CTNNA2: variants seen among roughly 807,000 people sequenced by gnomAD.
The protein encoded by CTNNA2 is catenin alpha-2.
Under a neutral mutation model 101.0 loss-of-function variants are expected in CTNNA2, and 42 were observed. That is an observed-to-expected ratio of 0.42 (90% CI 0.32 to 0.54). The LOEUF is 0.54. Among genes scored for constraint, CTNNA2 ranks in the 20% least tolerant of loss-of-function variants. The probability of loss-of-function intolerance (pLI) is 0.14; values close to 1 mark genes in which losing one functional copy is unlikely to be tolerated. For synonymous variants in CTNNA2, 450 were observed against 456.4 expected, an observed-to-expected ratio of 0.99 and a Z score of 0.18; for missense variants, 871 against 1,223.1, an observed-to-expected ratio of 0.71 and a Z score of 4.29.
At chr2:79,358,178 T>G (rs921277028) in intron 3 of CTNNA2, among the ~76,000 whole-genome samples, 2 of 151,876 alleles carry the variant, frequency 1.3e-5, no homozygotes. Context: ...CAGCCTTGAA[T>G]GGAATTTTTG....
At chr2:79,965,079 G>T (rs1490355315) in intron 7 of CTNNA2, among the ~76,000 whole-genome samples, 3 of 152,200 alleles carry the variant, frequency 2.0e-5, no homozygotes, top group African/African-American at 7.2e-5. Context: ...TTAATTCCAA[G>T]AATTTTTCTC....
chr2:80,099,718 C>T (rs1171862155), intron 7 of CTNNA2, among the ~76,000 whole-genome samples: 2 of 138,654 alleles, frequency 1.4e-5, no homozygotes, highest in Non-Finnish European at 3.1e-5. Flanking sequence ...ATTATAGGAA[C>T]AATTGCCAAG....
At chr2:80,506,603 A>C (rs1688298576) in intron 9 of CTNNA2, among the ~76,000 whole-genome samples, 1 of 152,186 alleles carries the variant, frequency 6.6e-6, no homozygotes, top group South Asian at 2.1e-4. Flanking sequence ...AGAGTTAAAG[A>C]TAGAACTGCT....
At chr2:79,996,919 T>C (rs1177591787) in intron 7 of CTNNA2, among the ~76,000 whole-genome samples, 2 of 152,102 alleles carry the variant, frequency 1.3e-5, no homozygotes, top group Non-Finnish European at 1.5e-5. Flanking sequence ...TCGTGATCAG[T>C]TGGCTTGCTC....
chr2:79,286,667 C>G (rs963356695), intron 2 of CTNNA2, among the ~76,000 whole-genome samples: 8 of 152,172 alleles, frequency 5.3e-5, no homozygotes, highest in African/African-American at 1.9e-4. Context: ...CCCGACCTTT[C>G]TCTCTGGCCG....
chr2:80,466,610 CA>C (rs1022090886), intron 9 of CTNNA2, among the ~76,000 whole-genome samples: 4 of 151,306 alleles, frequency 2.6e-5, no homozygotes, highest in Middle Eastern at 3.4e-3. Flanking sequence ...CATATTTCTT[CA>C]AAAAAAAATC....
chr2:80,400,370 C>T (rs958534193), intron 8 of CTNNA2, among the ~76,000 whole-genome samples: 1 of 152,088 alleles, frequency 6.6e-6, no homozygotes, highest in Non-Finnish European at 1.5e-5. Context: ...CCTACTGTCG[C>T]CACCAGTCCT....
At chr2:80,079,791 C>T (rs1054258084) in intron 7 of CTNNA2, among the ~76,000 whole-genome samples, 12 of 127,856 alleles carry the variant, frequency 9.4e-5, no homozygotes, top group Admixed American at 1.6e-4. Context: ...TCCAGCCTGG[C>T]GACAGAGGGA....
chr2:79,754,801 G>A (rs904156899), intron 3 of CTNNA2, among the ~76,000 whole-genome samples: 6 of 152,082 alleles, frequency 3.9e-5, no homozygotes, highest in Non-Finnish European at 7.4e-5. Context: ...TCTAGTATGG[G>A]TTCTTGCTGG....
chr2:80,542,923 A>C (rs973347684), intron 9 of CTNNA2, among the ~76,000 whole-genome samples: 2 of 151,518 alleles, frequency 1.3e-5, no homozygotes, highest in Admixed American at 6.6e-5. Flanking sequence ...TGCATTCTGG[A>C]CTCGTACCAC....
At chr2:80,627,979 A>C (rs922006867) in intron 18 of CTNNA2, among the ~76,000 whole-genome samples, 1 of 152,170 alleles carries the variant, frequency 6.6e-6, no homozygotes, top group Non-Finnish European at 1.5e-5. Flanking sequence ...AGAGACAAAC[A>C]GAGAGCCAAG....
chr2:80,302,949 G>A lies in CTNNA2; in HGVS notation c.1057-90262G>A, dbSNP rs1202590878. 3 of 1,613,992 alleles carry A rather than the reference G, an allele frequency of 1.9e-6. No individual in the cohort carries two copies. Among genetic ancestry groups the A allele is most frequent in the Non-Finnish European group, 2.5e-6 (3 of 1,180,016 alleles). On this transcript the variant is annotated intron_variant, in intron 7 of 18. Coordinates refer to ENST00000402739, the MANE Select transcript of CTNNA2 (RefSeq NM_001282597.3). This position sits in a 1 kb window ranked among gnomAD's most constrained non-coding sequence, Gnocchi z 6.4. ...ATCCGGGGCTCGATGTAGGTGAGGC[G>A]GTTGGAGTCCAGCTGCAGGGACTGC...
intron 4 of CTNNA2, among the ~76,000 whole-genome samples, chr2:79,477,076 T>A (rs1399979636): frequency 1.3e-5 from 2 of 152,180 alleles, no homozygotes; most frequent in African/African-American, 4.8e-5. Context: ...AAGGGACAAA[T>A]CTATCATCTC....
chr2:79,520,577 T>A (rs1015578857), intron 1 of CTNNA2, among the ~76,000 whole-genome samples: 10 of 152,198 alleles, frequency 6.6e-5, no homozygotes, highest in Non-Finnish European at 1.2e-4. Context: ...ACTACATGTC[T>A]CTCTCTGTAT....
chr2:80,045,142 C>T (rs1276212341), intron 7 of CTNNA2, among the ~76,000 whole-genome samples: 1 of 152,160 alleles, frequency 6.6e-6, no homozygotes, highest in African/African-American at 2.4e-5. Context: ...CCAAGGGGGC[C>T]AGGCAAAGTT....
intron 18 of CTNNA2, among the ~76,000 whole-genome samples, chr2:80,644,746 A>T (rs112161099): frequency 0.014 from 2,117 of 152,128 alleles, 56 homozygotes; most frequent in African/African-American, 0.048. Flanking sequence ...AGTTGGCTGG[A>T]TCTCTCACCT....
intron 3 of CTNNA2, among the ~76,000 whole-genome samples, chr2:79,757,919 A>G (rs1216998755): frequency 6.6e-6 from 1 of 152,308 alleles, no homozygotes; most frequent in South Asian, 2.1e-4. Flanking sequence ...CACACCTCAG[A>G]CTTGAAAAAC....
At chr2:80,014,381 T>C (rs1041488505) in intron 7 of CTNNA2, among the ~76,000 whole-genome samples, 10 of 124,470 alleles carry the variant, frequency 8.0e-5, no homozygotes, top group South Asian at 3.1e-4. Flanking sequence ...AGTGTTTTAT[T>C]CTGTGATCTC....
chr2:80,260,244 A>T (rs11893477), intron 7 of CTNNA2, among the ~76,000 whole-genome samples: 1,597 of 152,302 alleles, frequency 0.01, 23 homozygotes, highest in African/African-American at 0.036. Context: ...AGTAATAACA[A>T]TAATAAGCAA....
Sources: gnomAD v4.1 joint callset for allele counts (sites outside exome capture counted in the v4.1 genomes callset) on GRCh38, gnomAD v4.1.1 for gene constraint, Gnocchi (gnomAD v3.1) non-coding constraint, MANE v1.5 for transcripts, NCBI Gene and HGNC (gene_info 2026-07-23, HGNC 2026-07-21) for gene names.